CAPZA2: variants seen among roughly 807,000 people sequenced by gnomAD.
CAPZA2 encodes F-actin-capping protein subunit alpha-2.
Under a neutral mutation model 44.0 loss-of-function variants are expected in CAPZA2, and 13 were observed. The observed-to-expected ratio is 0.30, with a 90% CI of 0.19 to 0.47. The LOEUF is 0.47. CAPZA2 is among the 20% of genes least tolerant of loss of function. CAPZA2 has a pLI of 1.00. For missense variants in CAPZA2, 244 were observed against 338.6 expected, an observed-to-expected ratio of 0.72 and a Z score of 2.19; for synonymous variants, 94 against 108.2, an observed-to-expected ratio of 0.87 and a Z score of 0.81.
At chr7:116,899,168 G>A (rs969136203) in intron 4 of CAPZA2, among the ~76,000 whole-genome samples, 17 of 151,752 alleles carry the variant, frequency 1.1e-4, no homozygotes, top group African/African-American at 4.1e-4. Context: ...ATCATAATTT[G>A]GTTGCTCTGG....
At position 116,880,892 on chromosome 7, in the gene CAPZA2, A is replaced by G. The variant is rs549304826; in HGVS notation, c.40-7235A>G. Among the ~76,000 whole-genome samples, 6 of 150,532 alleles carry G rather than the reference A, an allele frequency of 4.0e-5. No homozygotes were observed. In the South Asian group the frequency reaches 1.1e-3, roughly 26 times the overall value. ...CTGGCTAATTTTTGTATTTTTTAGT[A>G]GAGACAGGGTTTCTCCCTGTTGGCC... On this transcript the variant is annotated intron_variant, in intron 1 of 9. Coordinates refer to ENST00000361183, the MANE Select transcript of CAPZA2 (RefSeq NM_006136.3).
chr7:116,891,100 G>A lies in CAPZA2; in HGVS notation c.104-1894G>A, dbSNP rs956263030. Among the ~76,000 whole-genome samples, 8 of 152,230 alleles carry A rather than the reference G, an allele frequency of 5.3e-5. 1 individual carries two copies. The highest frequency in any genetic ancestry group is 9.6e-5 in the African/African-American group (4 of 41,558). On this transcript the variant is annotated intron_variant, in intron 2 of 9. Coordinates refer to ENST00000361183, the MANE Select transcript of CAPZA2 (RefSeq NM_006136.3). ...CCTTACATCTCCTGTCCTCCACCCT[G>A]TGGTTTATGTGTTGCCTGACTTGGA...
intron 1 of CAPZA2, among the ~76,000 whole-genome samples, chr7:116,870,154 T>C (rs1796533556): frequency 6.6e-6 from 1 of 152,224 alleles, no homozygotes; most frequent in African/African-American, 2.4e-5. Flanking sequence ...TTAAATTCAC[T>C]AAAGTGTAGC....
intron 7 of CAPZA2, among the ~76,000 whole-genome samples, chr7:116,911,801 A>G (rs1338884592): frequency 1.3e-5 from 2 of 152,252 alleles, no homozygotes; most frequent in Non-Finnish European, 2.9e-5. Context: ...TTTAGATACC[A>G]GTAGAATGAA....
chr7:116,904,420 TGTAAA>T, intron 5 of CAPZA2, 37 bp downstream of exon 5: 1 of 1,276,756 alleles, frequency 7.8e-7, no homozygotes, highest in Non-Finnish European at 1.1e-6. Context: ...GTGTGTTTTG[TGTAAA>T]TGTGAGTCTT....
chr7:116,883,932 AAAT>A (rs985114530), intron 1 of CAPZA2, among the ~76,000 whole-genome samples: 1 of 152,238 alleles, frequency 6.6e-6, no homozygotes, highest in Non-Finnish European at 1.5e-5. Context: ...GGAGTATTAA[AAAT>A]AATTACCTCA....
At chr7:116,916,344 A>T (rs1393480717) in intron 9 of CAPZA2, among the ~76,000 whole-genome samples, 1 of 152,222 alleles carries the variant, frequency 6.6e-6, no homozygotes, top group African/African-American at 2.4e-5. Context: ...TACTAAGACT[A>T]GGCCGAGCGC....
intron 3 of CAPZA2, among the ~76,000 whole-genome samples, chr7:116,898,041 C>T (rs933700700): frequency 6.6e-5 from 10 of 152,220 alleles, no homozygotes; most frequent in Middle Eastern, 3.4e-3. Flanking sequence ...ACTGAACACC[C>T]GCTATGAGCC....
chr7:116,870,997 G>T (rs1796548024), intron 1 of CAPZA2, among the ~76,000 whole-genome samples: 1 of 152,186 alleles, frequency 6.6e-6, no homozygotes. Context: ...ATGTGAAAAT[G>T]CCTAGCAGAT....
At chr7:116,899,702 A>G (rs1307850998) in intron 4 of CAPZA2, among the ~76,000 whole-genome samples, 2 of 149,150 alleles carry the variant, frequency 1.3e-5, no homozygotes, top group African/African-American at 2.5e-5. Flanking sequence ...AAATAATGCC[A>G]TATTAAACAT....
At chr7:116,871,329 G>A (rs1349287751) in intron 1 of CAPZA2, among the ~76,000 whole-genome samples, 1 of 152,178 alleles carries the variant, frequency 6.6e-6, no homozygotes, top group Non-Finnish European at 1.5e-5. Flanking sequence ...CAGAGATTAA[G>A]GAGTATGAGA....
chr7:116,864,365 C>G (rs138225828), intron 1 of CAPZA2, among the ~76,000 whole-genome samples: 1 of 152,034 alleles, frequency 6.6e-6, no homozygotes, highest in African/African-American at 2.4e-5. Context: ...TTATCTGGCA[C>G]TCTCAGGGCA....
At chr7:116,877,490 A>G (rs1796637454) in intron 1 of CAPZA2, among the ~76,000 whole-genome samples, 1 of 152,208 alleles carries the variant, frequency 6.6e-6, no homozygotes, top group African/African-American at 2.4e-5. Flanking sequence ...TGGGATGAGA[A>G]AGAATGGATA....
At chr7:116,906,545 T>G in intron 6 of CAPZA2, 1 of 879,800 alleles carries the variant, frequency 1.1e-6, no homozygotes, top group Non-Finnish European at 1.6e-6. Flanking sequence ...CTGTTGACAT[T>G]CAGTGGAAAG....
At chr7:116,862,999 G>C (rs1796437275) in intron 1 of CAPZA2, among the ~76,000 whole-genome samples, 1 of 152,108 alleles carries the variant, frequency 6.6e-6, no homozygotes. Flanking sequence ...CTCCGCCGGG[G>C]CCGGGGACCG....
intron 1 of CAPZA2, among the ~76,000 whole-genome samples, chr7:116,864,821 C>T (rs546579401): frequency 6.6e-6 from 1 of 152,162 alleles, no homozygotes; most frequent in South Asian, 2.1e-4. Context: ...TGGAGGATCG[C>T]TTGAGCCCAG....
Position 116,865,382 on chromosome 7 carries a change from C to T in CAPZA2, c.39+2732C>T, listed in dbSNP as rs959904857. Among the ~76,000 whole-genome samples the T allele has an allele frequency of 7.3e-5, 11 of 151,468 alleles. No individual in the cohort carries two copies. The South Asian group carries it at 1.1e-3, about 14-fold the overall frequency. ...TGTATTTTTAGTAGAGACGGGGTTT[C>T]GCTATGTTGCCCAGGCTGGTCTTGA... On this transcript the variant is annotated intron_variant, in intron 1 of 9. Coordinates refer to ENST00000361183, the MANE Select transcript of CAPZA2 (RefSeq NM_006136.3).
At chr7:116,906,130 G>A in intron 5 of CAPZA2, 133 bp from the exon 6 acceptor site, 1 of 1,340,230 alleles carries the variant, frequency 7.5e-7, no homozygotes, top group Non-Finnish European at 9.8e-7. Flanking sequence ...TACTATATTG[G>A]AATGATGGCC....
chr7:116,880,734 T>TTTTTTTTTTTTTTTTTA (rs1796686279), intron 1 of CAPZA2, among the ~76,000 whole-genome samples: 1 of 107,228 alleles, frequency 9.3e-6, no homozygotes, highest in Non-Finnish European at 1.9e-5. Flanking sequence ...TTTTTTTTTT[T>TTTTTTTTTTTTTTTTTA]GAGACAGTCT....
Sources: allele counts gnomAD v4.1 joint callset (sites outside exome capture counted in the v4.1 genomes callset), GRCh38; gene constraint gnomAD v4.1.1; transcripts MANE v1.5; gene names NCBI Gene and HGNC (gene_info 2026-07-23, HGNC 2026-07-21).